The following NID2 variants were observed in gnomAD, a reference collection of about 807,000 sequenced individuals.
NID2 encodes the protein nidogen-2.
A neutral mutation model predicts 145.4 loss-of-function variants in NID2; 83 were observed. The observed-to-expected ratio is 0.57, with a 90% CI of 0.48 to 0.69. NID2 has a LOEUF of 0.69. NID2 is among the 30% of genes least tolerant of loss of function. The pLI is 0.00. For synonymous variants in NID2, 739 were observed against 701.3 expected, an observed-to-expected ratio of 1.05 and a Z score of -0.85; for missense variants, 1,807 against 1,765.7, an observed-to-expected ratio of 1.02 and a Z score of -0.42.
At chr14:52,021,139 T>C (rs937200238) in intron 12 of NID2, among the ~76,000 whole-genome samples, 4 of 151,772 alleles carry the variant, frequency 2.6e-5, no homozygotes, top group Non-Finnish European at 4.4e-5. Flanking sequence ...AGGGTGTAGG[T>C]CCGATTAAGG....
intron 12 of NID2, among the ~76,000 whole-genome samples, chr14:52,023,712 T>C (rs1891480839): frequency 6.6e-6 from 1 of 152,124 alleles, no homozygotes; most frequent in Non-Finnish European, 1.5e-5. Flanking sequence ...AATATCCAGC[T>C]CACACCAACA....
At chr14:52,061,553 A>G (rs1893020400) in intron 2 of NID2, among the ~76,000 whole-genome samples, 2 of 152,036 alleles carry the variant, frequency 1.3e-5, no homozygotes, top group South Asian at 4.2e-4. Context: ...AGAGGCCAAG[A>G]GCCGGGGTGT....
chr14:52,019,964 C>T, intron 13 of NID2, 95 bp downstream of exon 13: 1 of 1,516,388 alleles, frequency 6.6e-7, no homozygotes, highest in East Asian at 2.3e-5. Flanking sequence ...CACCAAGGCT[C>T]CAGACCAGGC....
At position 52,060,360 on chromosome 14, in the gene NID2, T is replaced by C; in HGVS notation, c.535-4A>G. The C allele has an allele frequency of 3.1e-6, 4 of 1,284,330 alleles. No homozygotes were observed. Among genetic ancestry groups the C allele is most frequent in the Non-Finnish European group, 4.0e-6 (4 of 992,940 alleles). 79.6% of individuals were successfully genotyped at this position (1,284,330 alleles called of 1,614,324 possible). A position where few individuals can be genotyped will look rare whatever the true frequency, so the allele number is the denominator to read the frequency against. On this transcript the variant is annotated splice_region_variant and splice_polypyrimidine_tract_variant and intron_variant, in intron 2 of 21. Coordinates refer to ENST00000216286, the MANE Select transcript of NID2 (RefSeq NM_007361.4). ...AAACTGCCTGGAAAGTGTTCAGCTG[T>C]GAGGAAAAAAAAAAAAAAAGAGAGA...
At chr14:52,050,472 G>T (rs1497086) in intron 5 of NID2, among the ~76,000 whole-genome samples, 1 of 152,058 alleles carries the variant, frequency 6.6e-6, no homozygotes, top group Admixed American at 6.5e-5. Context: ...CAGTGCCTTT[G>T]ACTCTCTGTC....
intron 12 of NID2, among the ~76,000 whole-genome samples, chr14:52,022,699 G>A (rs887583844): frequency 6.6e-6 from 1 of 152,178 alleles, no homozygotes; most frequent in African/African-American, 2.4e-5. Context: ...GAACCTGTTT[G>A]GAAAATGTGT....
chr14:52,063,826 G>A (rs1388082015), intron 2 of NID2, among the ~76,000 whole-genome samples: 4 of 152,060 alleles, frequency 2.6e-5, no homozygotes, highest in East Asian at 3.9e-4. Flanking sequence ...TGTCACATGG[G>A]GGACTGTCCC....
rs769175410 is a variant in NID2 at position 52,015,289 on chromosome 14, G to GA, written c.3029-15dup. 33 of 1,590,782 alleles carry GA rather than the reference G, an allele frequency of 2.1e-5. No homozygotes were observed. Among genetic ancestry groups the GA allele is most frequent in the Non-Finnish European group, 2.7e-5 (31 of 1,162,874 alleles). On this transcript the variant is annotated splice_polypyrimidine_tract_variant and intron_variant, in intron 14 of 21. Transcript: ENST00000216286. ...TCTGGGTGGGCTCTGAGCAGATGGGGAAGAGGGAAGAAGAAAAACCTTTGA... is the reference window on the plus strand; with the variant it reads ...TCTGGGTGGGCTCTGAGCAGATGGGGAAAGAGGGAAGAAGAAAAACCTTTGA...
intron 9 of NID2, among the ~76,000 whole-genome samples, chr14:52,033,789 GGGTTTAAAAGACACAC>G (rs1413654716): frequency 6.6e-6 from 1 of 152,146 alleles, no homozygotes; most frequent in Non-Finnish European, 1.5e-5. Flanking sequence ...CAAACACAAA[GGGTTTAAAAGACACAC>G]ATTGCCTCTT....
chr14:52,020,433 G>A (rs1047931629), intron 12 of NID2, among the ~76,000 whole-genome samples: 5 of 152,124 alleles, frequency 3.3e-5, no homozygotes, highest in South Asian at 2.1e-4. Flanking sequence ...ATGGGTAGTC[G>A]CTCACAGAAA....
At chr14:52,005,975 G>T in intron 20 of NID2, 126 bp from the exon 21 acceptor site, 1 of 676,718 alleles carries the variant, frequency 1.5e-6, no homozygotes, top group Non-Finnish European at 2.7e-6. Flanking sequence ...CAGGGCTGGT[G>T]CTAAAGCCAT....
intron 2 of NID2, among the ~76,000 whole-genome samples, chr14:52,065,481 T>TA (rs1293097900): frequency 3.0e-4 from 42 of 141,492 alleles, no homozygotes; most frequent in East Asian, 2.4e-3. Context: ...TCCCCTTTCT[T>TA]TTTTATTTAT....
chr14:52,038,641 C>T (rs1371584599), intron 9 of NID2, 106 bp downstream of exon 9: 7 of 836,666 alleles, frequency 8.4e-6, no homozygotes, highest in Admixed American at 3.1e-5. Context: ...ATACCTAGCA[C>T]ATAACACAGC....
Position 52,069,056 on chromosome 14 carries a change from C to A in NID2, c.-62G>T. 7.3e-7 allele frequency: 1 copy of A among 1,361,652 alleles called. No homozygotes were observed. The highest frequency in any genetic ancestry group is 1.0e-6 in the Non-Finnish European group (1 of 999,738). The allele number at this position is 1,361,652 out of a possible 1,614,324, so 84.3% of individuals were successfully genotyped here. A position where few individuals can be genotyped will look rare whatever the true frequency, so the allele number is the denominator to read the frequency against. ...GTCCCGCCCCGGCCTCCAGCCCACT[C>A]TCCGCGCCGCGCCAGCCTCGAACCT... On this transcript the variant is annotated 5_prime_UTR_variant, in exon 1 of 22. Transcript: ENST00000216286.
At chr14:52,008,409 G>T (rs1204743950) in intron 18 of NID2, 1 of 153,906 alleles carries the variant, frequency 6.5e-6, no homozygotes, top group African/African-American at 2.4e-5. Context: ...TTGCAGCCTT[G>T]TGAGAGACTC....
intron 11 of NID2, chr14:52,028,487 G>C: frequency 2.8e-6 from 1 of 352,212 alleles, no homozygotes; most frequent in Non-Finnish European, 5.2e-6. Flanking sequence ...TGTTGCCCAG[G>C]CTGGTCTCGA....
chr14:52,039,620 C>T (rs868530827), intron 8 of NID2, among the ~76,000 whole-genome samples: 1 of 152,184 alleles, frequency 6.6e-6, no homozygotes, highest in African/African-American at 2.4e-5. Flanking sequence ...TGCCAGGCTG[C>T]CAGCTCTCAG....
chr14:52,037,187 C>T (rs1892102910), intron 9 of NID2, among the ~76,000 whole-genome samples: 1 of 152,196 alleles, frequency 6.6e-6, no homozygotes, highest in African/African-American at 2.4e-5. Context: ...TATGTGGTCA[C>T]TCAGTGGTCC....
At chr14:52,015,884 G>C (rs1034107431) in intron 14 of NID2, among the ~76,000 whole-genome samples, 1 of 152,208 alleles carries the variant, frequency 6.6e-6, no homozygotes, top group African/African-American at 2.4e-5. Context: ...GTAAAACTGA[G>C]TGGAATTAGT....
Sources: allele counts gnomAD v4.1 joint callset (sites outside exome capture counted in the v4.1 genomes callset), GRCh38; gene constraint gnomAD v4.1.1; transcripts MANE v1.5; gene names NCBI Gene and HGNC (gene_info 2026-07-23, HGNC 2026-07-21).